The following MALRD1 variants were observed in gnomAD, a reference collection of about 807,000 sequenced individuals.
MALRD1 encodes MAM and LDL-receptor class A domain-containing protein 1.
Under a neutral mutation model 242.1 loss-of-function variants are expected in MALRD1, and 247 were observed. The ratio of observed to expected loss-of-function variants is 1.02; its 90% CI spans 0.92 to 1.13. MALRD1 has a LOEUF of 1.13. Among genes scored for constraint, MALRD1 ranks in the 50% most tolerant of loss-of-function variants. MALRD1 has a pLI of 0.00. For missense variants in MALRD1, 2,989 were observed against 2,533.1 expected, an observed-to-expected ratio of 1.18 and a Z score of -3.86; for synonymous variants, 995 against 866.6, an observed-to-expected ratio of 1.15 and a Z score of -2.60.
intron 18 of MALRD1, among the ~76,000 whole-genome samples, chr10:19,245,163 A>G (rs1000731904): frequency 1.3e-5 from 2 of 152,174 alleles, no homozygotes; most frequent in Admixed American, 6.6e-5. Context: ...AAGAAGTCCT[A>G]GATTCCGCAT....
At chr10:19,614,883 G>C (rs898678660) in intron 35 of MALRD1, among the ~76,000 whole-genome samples, 1 of 151,986 alleles carries the variant, frequency 6.6e-6, no homozygotes, top group Non-Finnish European at 1.5e-5. Flanking sequence ...TGCCTGCCAT[G>C]ACATGAGGAC....
chr10:19,473,947 C>T (rs1348208918), intron 29 of MALRD1, among the ~76,000 whole-genome samples: 3 of 152,094 alleles, frequency 2.0e-5, no homozygotes, highest in Non-Finnish European at 2.9e-5. Flanking sequence ...CAAAAGTACA[C>T]GAGGGTTCCA....
At chr10:19,440,865 A>G (rs1834603682) in intron 28 of MALRD1, among the ~76,000 whole-genome samples, 1 of 152,140 alleles carries the variant, frequency 6.6e-6, no homozygotes, top group Non-Finnish European at 1.5e-5. Flanking sequence ...ACCCAGTAAT[A>G]GGATGGCTGG....
At chr10:19,225,274 T>C (rs1176391204) in intron 18 of MALRD1, among the ~76,000 whole-genome samples, 1 of 152,100 alleles carries the variant, frequency 6.6e-6, no homozygotes, top group Non-Finnish European at 1.5e-5. Flanking sequence ...ATGTTGGAAA[T>C]AGAGAATGGA....
intron 2 of MALRD1, among the ~76,000 whole-genome samples, chr10:19,079,030 C>T (rs1230111976): frequency 1.3e-5 from 2 of 150,796 alleles, no homozygotes; most frequent in African/African-American, 2.4e-5. Context: ...TAATTTTCCT[C>T]CTCTGCTTGC....
intron 18 of MALRD1, among the ~76,000 whole-genome samples, chr10:19,232,341 ATTTTTTT>A: frequency 7.3e-6 from 1 of 137,820 alleles, no homozygotes; most frequent in East Asian, 2.1e-4. Context: ...TAATTTTTGT[ATTTTTTT>A]TTTTTTTTTA....
At chr10:19,066,097 T>C (rs998417693) in intron 1 of MALRD1, among the ~76,000 whole-genome samples, 16 of 152,230 alleles carry the variant, frequency 1.1e-4, no homozygotes, top group African/African-American at 3.9e-4. Flanking sequence ...AACCTATACG[T>C]ATCCTCCTGT....
chr10:19,121,074 C>T (rs1837045573), intron 5 of MALRD1, among the ~76,000 whole-genome samples: 2 of 115,538 alleles, frequency 1.7e-5, no homozygotes, highest in African/African-American at 6.9e-5. Flanking sequence ...GTTGGACTCT[C>T]ACTCTGTTGC....
intron 38 of MALRD1, 37 bp downstream of exon 38, chr10:19,692,591 G>T (rs139203416): frequency 1.4e-6 from 2 of 1,462,760 alleles, no homozygotes; most frequent in East Asian, 2.5e-5. Context: ...GAAATATACC[G>T]TAGCAGAAAA....
At chr10:19,216,708 G>A (rs570410787) in intron 18 of MALRD1, among the ~76,000 whole-genome samples, 3 of 151,720 alleles carry the variant, frequency 2.0e-5, no homozygotes, top group Non-Finnish European at 4.4e-5. Flanking sequence ...CACTTTGGGA[G>A]GCCGAGGTGG....
chr10:19,477,121 A>T lies in MALRD1; in HGVS notation c.5030-14396A>T, dbSNP rs150737495. Among the ~76,000 whole-genome samples, 367 of 152,306 alleles carry T rather than the reference A, an allele frequency of 2.4e-3. 7 individuals are homozygous for T. The East Asian group carries it at 0.05, about 21-fold the overall frequency. On this transcript the variant is annotated intron_variant, in intron 29 of 39. Coordinates refer to ENST00000454679, the MANE Select transcript of MALRD1 (RefSeq NM_001142308.3). ...GAAATGCACTACAAGAATACGTTTT[A>T]ACCTCTTAGTGCTCAACAATATTAA...
intron 13 of MALRD1, among the ~76,000 whole-genome samples, chr10:19,168,176 A>G (rs1834780329): frequency 6.6e-6 from 1 of 152,160 alleles, no homozygotes; most frequent in Non-Finnish European, 1.5e-5. Context: ...AGATCAATTT[A>G]TTCTATTCTC....
At chr10:19,509,384 T>A (rs1412779) in intron 31 of MALRD1, among the ~76,000 whole-genome samples, 3 of 152,100 alleles carry the variant, frequency 2.0e-5, no homozygotes, top group African/African-American at 4.8e-5. Flanking sequence ...AAATTTGTCT[T>A]TTATACTCCT....
At chr10:19,356,178 C>G (rs1775405461) in intron 26 of MALRD1, among the ~76,000 whole-genome samples, 1 of 151,542 alleles carries the variant, frequency 6.6e-6, no homozygotes, top group Non-Finnish European at 1.5e-5. Context: ...ATATGTATAT[C>G]TATATCATTT....
At chr10:19,169,215 A>T (rs1337551961) in intron 13 of MALRD1, among the ~76,000 whole-genome samples, 1 of 152,092 alleles carries the variant, frequency 6.6e-6, no homozygotes, top group Non-Finnish European at 1.5e-5. Context: ...TCTCGGTGTT[A>T]TGTTACCATT....
chr10:19,481,998 A>T (rs976471476), intron 29 of MALRD1, among the ~76,000 whole-genome samples: 1 of 152,036 alleles, frequency 6.6e-6, no homozygotes, highest in African/African-American at 2.4e-5. Flanking sequence ...ATAGTTGCTC[A>T]ATACATGTTT....
chr10:19,048,175 C>A (rs1227139332), upstream of MALRD1, among the ~76,000 whole-genome samples: 2 of 152,158 alleles, frequency 1.3e-5, no homozygotes, highest in Non-Finnish European at 2.9e-5. Context: ...CTGTTCTTAG[C>A]AGCAGGATAT....
At chr10:19,154,557 A>T (rs571295404) in intron 11 of MALRD1, among the ~76,000 whole-genome samples, 3 of 152,328 alleles carry the variant, frequency 2.0e-5, no homozygotes, top group African/African-American at 7.2e-5. Flanking sequence ...CATCCGTCGT[A>T]GTTAAAATCT....
chr10:19,180,308 A>G (rs1835449287), intron 14 of MALRD1, among the ~76,000 whole-genome samples: 1 of 152,226 alleles, frequency 6.6e-6, no homozygotes, highest in African/African-American at 2.4e-5. Flanking sequence ...GTGACCCACA[A>G]AAAACTTTAT....
Sources: allele counts gnomAD v4.1 joint callset (sites outside exome capture counted in the v4.1 genomes callset), GRCh38; gene constraint gnomAD v4.1.1; transcripts MANE v1.5; gene names NCBI Gene and HGNC (gene_info 2026-07-23, HGNC 2026-07-21).